The following ZNF423 variants were observed in gnomAD, a reference collection of about 807,000 sequenced individuals.
ZNF423 encodes Ebf-associated zinc finger protein.
A neutral mutation model predicts 95.8 loss-of-function variants in ZNF423; 12 were observed. That is an observed-to-expected ratio of 0.13 (90% confidence interval 0.08 to 0.20). The LOEUF is 0.20. ZNF423 is among the 10% of genes least tolerant of loss of function. ZNF423 has a pLI of 1.00. For synonymous variants in ZNF423, 749 were observed against 711.9 expected (o/e 1.05, Z -0.83); for missense variants, 1,316 against 1,737.1 (o/e 0.76, Z 4.31).
chr16:49,628,090 TC>T (rs201172015), intron 4 of ZNF423, among the ~76,000 whole-genome samples: 2,815 of 145,590 alleles, frequency 0.019, 119 homozygotes, highest in African/African-American at 0.069. Flanking sequence ...CACCTATCCA[TC>T]CACCCTCCAT....
In ZNF423 at chr16:49,855,538, T is replaced by A. The variant is rs1411159077; in HGVS notation, c.40+197A>T. 9.3e-6 allele frequency among the ~76,000 whole-genome samples: 1 copy of A among 107,554 alleles called. No individual in the cohort carries two copies. Among genetic ancestry groups the A allele is most frequent in the Non-Finnish European group, 1.9e-5 (1 of 53,764 alleles). 70.6% of individuals were successfully genotyped at this position (107,554 alleles called of 152,430 possible). ...CGCCGCCGCCGCCGCCGCCGCCGCC[T>A]CCGCCTCCTGCTCCCGGCTTCCTCC... On this transcript the variant is annotated intron_variant, in intron 1 of 7. Transcript: ENST00000563137. The surrounding 1 kb of genome is among the most constrained non-coding windows in gnomAD (Gnocchi z 4.7).
chr16:49,731,246 G>C, intron 2 of ZNF423: 1 of 885,596 alleles, frequency 1.1e-6, no homozygotes, highest in Non-Finnish European at 1.4e-6. Context: ...GTGACCCATC[G>C]GAGAGGTGAA....
chr16:49,707,612 C>T (rs1322285505), intron 3 of ZNF423, among the ~76,000 whole-genome samples: 1 of 135,130 alleles, frequency 7.4e-6, no homozygotes, highest in Non-Finnish European at 1.6e-5. Flanking sequence ...GTGAGACTGT[C>T]TCAAAAAAAA....
intron 3 of ZNF423, among the ~76,000 whole-genome samples, chr16:49,698,036 A>G (rs562885049): frequency 6.6e-4 from 100 of 151,778 alleles, no homozygotes; most frequent in African/African-American, 2.3e-3. Context: ...GACCAGCCCG[A>G]CTCCACATTG....
intron 5 of ZNF423, among the ~76,000 whole-genome samples, chr16:49,527,095 G>A (rs1597052714): frequency 6.6e-6 from 1 of 152,152 alleles, no homozygotes; most frequent in South Asian, 2.1e-4. Flanking sequence ...CCCTGGCAGG[G>A]GCTGGCAGAG....
intron 3 of ZNF423, among the ~76,000 whole-genome samples, chr16:49,694,289 G>A (rs2031891249): frequency 6.6e-6 from 1 of 152,156 alleles, no homozygotes; most frequent in Admixed American, 6.5e-5. Flanking sequence ...CACAGTGCCT[G>A]CCATACAGAG....
chr16:49,586,220 G>C (rs1970827690), intron 5 of ZNF423, among the ~76,000 whole-genome samples: 1 of 152,124 alleles, frequency 6.6e-6, no homozygotes, highest in Non-Finnish European at 1.5e-5. Context: ...GTCGCTGACA[G>C]AGTAGCGTGG....
chr16:49,587,728 C>A (rs1435863131), intron 5 of ZNF423, among the ~76,000 whole-genome samples: 4 of 152,118 alleles, frequency 2.6e-5, no homozygotes, highest in Non-Finnish European at 4.4e-5. Flanking sequence ...CTTCTACAAT[C>A]AGGAGTCACC....
At chr16:49,564,234 T>C (rs925268287) in intron 5 of ZNF423, among the ~76,000 whole-genome samples, 2 of 152,216 alleles carry the variant, frequency 1.3e-5, no homozygotes, top group Non-Finnish European at 2.9e-5. Flanking sequence ...TGTAGTTAAG[T>C]TGGATTTATT....
chr16:49,526,199 C>A (rs534868710), intron 5 of ZNF423, among the ~76,000 whole-genome samples: 1 of 152,190 alleles, frequency 6.6e-6, no homozygotes, highest in Non-Finnish European at 1.5e-5. Context: ...GCCCTGTCAG[C>A]CCCTGGAGGA....
chr16:49,639,927 CG>C (rs1487095528), intron 3 of ZNF423, among the ~76,000 whole-genome samples: 1 of 152,186 alleles, frequency 6.6e-6, no homozygotes, highest in African/African-American at 2.4e-5. Flanking sequence ...CATTCCCCGG[CG>C]GGGGCCGAGC....
At chr16:49,527,844 T>C (rs1968674825) in intron 5 of ZNF423, among the ~76,000 whole-genome samples, 1 of 152,138 alleles carries the variant, frequency 6.6e-6, no homozygotes, top group African/African-American at 2.4e-5. Context: ...CCAGGCAGCC[T>C]GCCCTGACTT....
chr16:49,638,814 G>A lies in ZNF423; in HGVS notation c.362C>T (p.Ala121Val), dbSNP rs377052758. 9.3e-6 allele frequency: 15 copies of A among 1,613,758 alleles called. No individual in the cohort carries two copies. Among genetic ancestry groups the A allele is most frequent in the East Asian group, 2.2e-5 (1 of 44,890 alleles). Residue 121 changes from alanine (A) to valine (V), a missense_variant, in exon 4 of 8, where the codon GCG becomes GTG. Physicochemically the swap from Ala to Val is moderately conservative, Grantham distance 64. Transcript: ENST00000563137. The surrounding 1 kb of genome is among the most constrained non-coding windows in gnomAD (Gnocchi z 5.6). ...VASSPSSKDV[A>V]SPTQMIGDGC... ...ATCTCCGATCATCTGCGTGGGTGACGCAACATCCTTGCTGGAGGGAGACGA... is the reference window on the plus strand; with the variant it reads ...ATCTCCGATCATCTGCGTGGGTGACACAACATCCTTGCTGGAGGGAGACGA...
At chr16:49,774,299 C>A (rs1312228466) in intron 2 of ZNF423, among the ~76,000 whole-genome samples, 1 of 152,134 alleles carries the variant, frequency 6.6e-6, no homozygotes, top group Non-Finnish European at 1.5e-5. Flanking sequence ...CCACCCAGGG[C>A]CCCCAGAGGA....
At chr16:49,757,715 T>G (rs1258836962) in intron 2 of ZNF423, among the ~76,000 whole-genome samples, 1 of 152,068 alleles carries the variant, frequency 6.6e-6, no homozygotes, top group African/African-American at 2.4e-5. Flanking sequence ...TCAATTCTGG[T>G]GAAGAAAGGC....
At chr16:49,628,938 G>C (rs1972402671) in intron 4 of ZNF423, among the ~76,000 whole-genome samples, 1 of 152,174 alleles carries the variant, frequency 6.6e-6, no homozygotes, top group African/African-American at 2.4e-5. Flanking sequence ...GGGGTTTTTT[G>C]AAGAAAGAGG....
In ZNF423 at chr16:49,603,495, C is replaced by T. The variant is rs529165412; in HGVS notation, c.3601+22675G>A. Among the ~76,000 whole-genome samples, 7 of 152,252 alleles carry T rather than the reference C, an allele frequency of 4.6e-5. No homozygotes were observed. The highest frequency in any genetic ancestry group is 8.8e-5 in the Non-Finnish European group (6 of 68,026). ...TGTGATCTCAGCTTGCTGCGACCTC[C>T]GCCTCCCGGGTTCAAGTGATTCTCC... On this transcript the variant is annotated intron_variant, in intron 5 of 7. Coordinates refer to ENST00000563137, the MANE Select transcript of ZNF423 (RefSeq NM_001379286.1). The surrounding 1 kb of genome is among the most constrained non-coding windows in gnomAD (Gnocchi z 4.1).
At chr16:49,585,592 G>A (rs1809806896) in intron 5 of ZNF423, among the ~76,000 whole-genome samples, 1 of 152,238 alleles carries the variant, frequency 6.6e-6, no homozygotes, top group African/African-American at 2.4e-5. Context: ...TTAACTGACT[G>A]TTGAGTCTAA....
At chr16:49,518,930 G>A (rs918891761) in intron 7 of ZNF423, among the ~76,000 whole-genome samples, 1 of 152,144 alleles carries the variant, frequency 6.6e-6, no homozygotes, top group Non-Finnish European at 1.5e-5. Context: ...TGGGTGTGGT[G>A]GTGTGCACCT....
Sources: allele counts gnomAD v4.1 joint callset (sites outside exome capture counted in the v4.1 genomes callset), GRCh38; gene constraint gnomAD v4.1.1; non-coding constraint Gnocchi (gnomAD v3.1); transcripts MANE v1.5; gene names NCBI Gene and HGNC (gene_info 2026-07-23, HGNC 2026-07-21).